The following BEND7 variants were observed in gnomAD, a reference collection of about 807,000 sequenced individuals.
BEND7 encodes the protein BEN domain-containing protein 7.
A neutral mutation model predicts 50.9 loss-of-function variants in BEND7; 28 were observed. The observed-to-expected ratio is 0.55, with a 90% confidence interval of 0.41 to 0.75. BEND7 has a LOEUF of 0.75. Among genes scored for constraint, BEND7 ranks in the 30% least tolerant of loss-of-function variants. The pLI is 0.00. For missense variants in BEND7, 477 were observed against 491.3 expected (o/e 0.97, Z 0.28); for synonymous variants, 170 against 183.9 (o/e 0.92, Z 0.61).
At chr10:13,451,178 G>A (rs574235947) in intron 7 of BEND7, among the ~76,000 whole-genome samples, 44 of 151,296 alleles carry the variant, frequency 2.9e-4, no homozygotes, top group Non-Finnish European at 5.9e-4. Flanking sequence ...GCCTTCTACA[G>A]AATTTCTCCA....
intron 2 of BEND7, among the ~76,000 whole-genome samples, chr10:13,515,975 G>T (rs1028513239): frequency 6.6e-6 from 1 of 152,160 alleles, no homozygotes; most frequent in Non-Finnish European, 1.5e-5. Context: ...CTCATGCGCC[G>T]CATGGGACAA....
chr10:13,494,420 C>G (rs2076894885), intron 4 of BEND7, among the ~76,000 whole-genome samples: 1 of 152,076 alleles, frequency 6.6e-6, no homozygotes, highest in African/African-American at 2.4e-5. Flanking sequence ...TGTCTCAAAA[C>G]AAAAACAAAA....
intron 2 of BEND7, among the ~76,000 whole-genome samples, chr10:13,507,317 C>T (rs780003260): frequency 2.6e-5 from 4 of 152,150 alleles, no homozygotes; most frequent in Non-Finnish European, 5.9e-5. Flanking sequence ...TCTCTCTCCC[C>T]GCGCCAGTCT....
chr10:13,506,948 T>C (rs976760127), intron 2 of BEND7, among the ~76,000 whole-genome samples: 3 of 151,866 alleles, frequency 2.0e-5, no homozygotes, highest in African/African-American at 7.3e-5. Context: ...AGTGGAGATA[T>C]GGAGTCTAGT....
At chr10:13,499,724 T>TAAA (rs3831318) in intron 3 of BEND7, 54 bp downstream of exon 3, 2 of 1,452,618 alleles carry the variant, frequency 1.4e-6, no homozygotes, top group Non-Finnish European at 1.8e-6. Flanking sequence ...TATTTAGAAA[T>TAAA]AGAACAGTAC....
intron 8 of BEND7, chr10:13,445,435 T>C (rs932805399): frequency 6.6e-6 from 1 of 152,190 alleles, no homozygotes; most frequent in African/African-American, 2.4e-5. Flanking sequence ...GGCTTTGGCT[T>C]AGGTATGAGA....
At chr10:13,492,526 T>C (rs12779776) in intron 5 of BEND7, 85 bp downstream of exon 5, 22,670 of 1,513,306 alleles carry the variant, frequency 0.015, 225 homozygotes, top group Non-Finnish European at 0.018. Context: ...GTTTCTCTAG[T>C]TGTCAAAAGG....
At position 13,441,657 on chromosome 10, in the gene BEND7, G is replaced by A. The variant is rs552992212; in HGVS notation, c.*86C>T. On this transcript the variant is annotated 3_prime_UTR_variant, in exon 9 of 9. Coordinates refer to ENST00000466271, the MANE Select transcript of BEND7 (RefSeq NM_001369863.1). ...ACCAATTAATCTTCTCCCTTCCCTT[G>A]GGTAGTAGCTCCTTGTGGGAGGCAG... 7 of 1,604,496 alleles carry A rather than the reference G, an allele frequency of 4.4e-6. No individual in the cohort carries two copies. The African/African-American group carries it at 6.7e-5, about 15-fold the overall frequency.
intron 7 of BEND7, among the ~76,000 whole-genome samples, 175 bp from the exon 8 acceptor site, chr10:13,447,491 A>AT (rs1564499285): frequency 7.2e-6 from 1 of 139,776 alleles, no homozygotes; most frequent in Non-Finnish European, 1.6e-5. Context: ...TTATTTGAAT[A>AT]TTTTTTGATG....
chr10:13,458,909 G>A (rs1393635086), intron 6 of BEND7, among the ~76,000 whole-genome samples: 6 of 152,148 alleles, frequency 3.9e-5, no homozygotes, highest in South Asian at 2.1e-4. Flanking sequence ...CCCCATGTGC[G>A]AGGCAGTTTA....
intron 2 of BEND7, among the ~76,000 whole-genome samples, chr10:13,523,474 T>A (rs1161008144): frequency 6.6e-6 from 1 of 152,186 alleles, no homozygotes; most frequent in Non-Finnish European, 1.5e-5. Context: ...TAAACTTTGA[T>A]CTTATAGATG....
intron 2 of BEND7, among the ~76,000 whole-genome samples, chr10:13,507,216 TA>T (rs896181713): frequency 2.6e-5 from 4 of 152,282 alleles, no homozygotes; most frequent in Admixed American, 2.6e-4. Context: ...TCTGACCTCA[TA>T]TGATTCCAAG....
At chr10:13,438,529 ATATT>A (rs1464086504), downstream of BEND7, 1 of 152,096 alleles carries the variant, frequency 6.6e-6, no homozygotes, top group Non-Finnish European at 1.5e-5. Flanking sequence ...ATAGAAATAA[ATATT>A]TATATACACA....
chr10:13,472,563 C>T (rs1415262956), intron 6 of BEND7, among the ~76,000 whole-genome samples: 4 of 151,592 alleles, frequency 2.6e-5, no homozygotes, highest in Admixed American at 6.6e-5. Context: ...GGCCGATATC[C>T]GTCATCACTG....
intron 6 of BEND7, among the ~76,000 whole-genome samples, chr10:13,455,315 A>G (rs1331260642): frequency 6.6e-6 from 1 of 152,170 alleles, no homozygotes; most frequent in African/African-American, 2.4e-5. Context: ...TGGAGGCAGA[A>G]GAGCACATGA....
intron 5 of BEND7, among the ~76,000 whole-genome samples, chr10:13,491,744 TA>T (rs1157127094): frequency 6.6e-6 from 1 of 151,970 alleles, no homozygotes; most frequent in Non-Finnish European, 1.5e-5. Context: ...AAAACTTTTT[TA>T]AAAAGCAATT....
downstream of BEND7, chr10:13,441,026 C>T (rs1835246443): frequency 1.2e-6 from 1 of 831,098 alleles, no homozygotes; most frequent in Non-Finnish European, 1.5e-6. Flanking sequence ...AATTAATGAA[C>T]AGCACTGACT....
At chr10:13,454,683 T>C (rs1325032085) in intron 6 of BEND7, among the ~76,000 whole-genome samples, 2 of 152,192 alleles carry the variant, frequency 1.3e-5, no homozygotes, top group Non-Finnish European at 2.9e-5. Context: ...ACCCAGCCTA[T>C]TTGCATTATT....
At chr10:13,509,066 A>C (rs2078099308) in intron 2 of BEND7, among the ~76,000 whole-genome samples, 1 of 152,208 alleles carries the variant, frequency 6.6e-6, no homozygotes, top group South Asian at 2.1e-4. Flanking sequence ...AAGAGCAAAG[A>C]AATACCAGGA....
Sources: gnomAD v4.1 joint callset for allele counts (sites outside exome capture counted in the v4.1 genomes callset) on GRCh38, gnomAD v4.1.1 for gene constraint, MANE v1.5 for transcripts, NCBI Gene and HGNC (gene_info 2026-07-23, HGNC 2026-07-21) for gene names.